ST3GAL3: variants seen among roughly 807,000 people sequenced by gnomAD.
The protein encoded by ST3GAL3 is CMP-N-acetylneuraminate-beta-1,4-galactoside alpha-2,3-sialyltransferase.
Under a neutral mutation model 50.1 loss-of-function variants are expected in ST3GAL3, and 21 were observed. That is an observed-to-expected ratio of 0.42 (90% CI 0.30 to 0.60). ST3GAL3 has a LOEUF of 0.60. Among genes scored for constraint, ST3GAL3 ranks in the 20% least tolerant of loss-of-function variants. ST3GAL3 has a pLI of 0.19. For missense variants in ST3GAL3, 353 were observed against 489.4 expected (o/e 0.72, Z 2.63); for synonymous variants, 183 against 190.0 (o/e 0.96, Z 0.30).
At chr1:43,806,856 A>G (rs141991031) in intron 3 of ST3GAL3, among the ~76,000 whole-genome samples, 132 of 152,148 alleles carry the variant, frequency 8.7e-4, no homozygotes, top group African/African-American at 3.1e-3. Flanking sequence ...TGCTCGGGTA[A>G]TGTTTTGTAT....
chr1:43,839,925 A>C (rs189579366), intron 5 of ST3GAL3: 11 of 152,354 alleles, frequency 7.2e-5, no homozygotes, highest in African/African-American at 2.4e-4. Flanking sequence ...TCATTTTCAC[A>C]AGAACAGCAC....
chr1:43,717,962 T>G (rs1290679910), intron 1 of ST3GAL3, among the ~76,000 whole-genome samples: 1 of 151,896 alleles, frequency 6.6e-6, no homozygotes, highest in African/African-American at 2.4e-5. Flanking sequence ...AACCTCCACC[T>G]CCCGGGTTCA....
intron 1 of ST3GAL3, among the ~76,000 whole-genome samples, chr1:43,721,295 CTTTT>C (rs35508020): frequency 9.0e-5 from 9 of 99,842 alleles, no homozygotes; most frequent in African/African-American, 3.1e-4. Flanking sequence ...ATAATTAAAC[CTTTT>C]TTTTTTTTTT....
At chr1:43,729,165 C>G (rs1447389245) in intron 1 of ST3GAL3, among the ~76,000 whole-genome samples, 1 of 149,524 alleles carries the variant, frequency 6.7e-6, no homozygotes. Flanking sequence ...TCTGGGCTCA[C>G]TGCAACCTCT....
intron 5 of ST3GAL3, among the ~76,000 whole-genome samples, chr1:43,887,140 A>G (rs1273269122): frequency 6.6e-6 from 1 of 152,186 alleles, no homozygotes; most frequent in African/African-American, 2.4e-5. Context: ...TGGAGAGTAG[A>G]GAATGTTTGG....
intron 2 of ST3GAL3, among the ~76,000 whole-genome samples, chr1:43,765,776 T>TGA (rs1692467259): frequency 3.0e-5 from 4 of 135,282 alleles, no homozygotes; most frequent in African/African-American, 1.1e-4. Context: ...TGTGTGTGTG[T>TGA]GTGTGTGTGC....
chr1:43,894,483 T>G lies in ST3GAL3; in HGVS notation c.397+6T>G, dbSNP rs370838456. The stretch of plus-strand genomic sequence containing the variant: ...TTTTGGGATCAAAGGTCAAGGTATG[T>G]TGGGAACCCTGACCTACATTAACAT... On this transcript the variant is annotated splice_donor_region_variant and intron_variant, in intron 6 of 11. Transcript: ENST00000347631. 405 of 1,613,358 alleles carry G rather than the reference T, an allele frequency of 2.5e-4. No homozygotes were observed. Among genetic ancestry groups the G allele is most frequent in the Non-Finnish European group, 3.3e-4 (384 of 1,179,426 alleles).
chr1:43,778,469 G>C (rs919056081), intron 2 of ST3GAL3, among the ~76,000 whole-genome samples: 1 of 151,788 alleles, frequency 6.6e-6, no homozygotes, highest in Admixed American at 6.6e-5. Context: ...TTTGGATCTG[G>C]GTCCAAACAA....
intron 11 of ST3GAL3, among the ~76,000 whole-genome samples, chr1:43,926,804 G>A (rs1003759947): frequency 9.2e-5 from 14 of 151,876 alleles, no homozygotes; most frequent in East Asian, 1.9e-4. Flanking sequence ...TGGCATTGCC[G>A]GATCCAAGAG....
chr1:43,920,729 G>C, intron 10 of ST3GAL3, 53 bp from the exon 11 acceptor site: 1 of 1,613,262 alleles, frequency 6.2e-7, no homozygotes, highest in East Asian at 2.2e-5. Context: ...AGCTGTCCCA[G>C]CCCTCCAGCT....
At chr1:43,765,743 CTGTGTGTGTCTGTGTG>C (rs72358703) in intron 2 of ST3GAL3, among the ~76,000 whole-genome samples, 4,999 of 140,562 alleles carry the variant, frequency 0.036, 105 homozygotes, top group Non-Finnish European at 0.05. Flanking sequence ...ATGTGTGTGT[CTGTGTGTGTCTGTGTG>C]TGTGTGTGTG....
At chr1:43,824,285 C>T (rs1017336388) in intron 4 of ST3GAL3, among the ~76,000 whole-genome samples, 3 of 151,824 alleles carry the variant, frequency 2.0e-5, no homozygotes, top group African/African-American at 7.2e-5. Context: ...CTTTCCCCAT[C>T]TCCTGGAGAG....
chr1:43,893,023 G>A lies in ST3GAL3; in HGVS notation c.303-1360G>A, dbSNP rs570975706. Among the ~76,000 whole-genome samples the A allele has an allele frequency of 5.3e-5, 8 of 152,206 alleles. No homozygotes were observed. The South Asian group carries it at 1.7e-3, about 32-fold the overall frequency. ...GACTCAGTTGCTGGGACCCAACTCA[G>A]AGCTCCCAAGTGTTGACATCTTCCT... is the stretch of plus-strand genomic sequence containing the variant. On this transcript the variant is annotated intron_variant, in intron 5 of 11. Coordinates refer to ENST00000347631, the MANE Select transcript of ST3GAL3 (RefSeq NM_006279.5).
intron 2 of ST3GAL3, among the ~76,000 whole-genome samples, chr1:43,752,520 A>G (rs1263649326): frequency 6.6e-6 from 1 of 152,014 alleles, no homozygotes; most frequent in Non-Finnish European, 1.5e-5. Flanking sequence ...TGTTTGTTTC[A>G]GACAGGGTCT....
At chr1:43,798,423 C>G (rs972625000) in intron 3 of ST3GAL3, among the ~76,000 whole-genome samples, 5 of 152,150 alleles carry the variant, frequency 3.3e-5, no homozygotes, top group Non-Finnish European at 7.3e-5. Context: ...CCTACTTAAC[C>G]TCTCCAATTT....
intron 4 of ST3GAL3, among the ~76,000 whole-genome samples, chr1:43,821,549 G>A (rs937094829): frequency 1.3e-5 from 2 of 152,194 alleles, no homozygotes; most frequent in Non-Finnish European, 2.9e-5. Flanking sequence ...GGACCAAGAA[G>A]AAGCAGAGAG....
At chr1:43,758,134 C>T (rs918383547) in intron 2 of ST3GAL3, among the ~76,000 whole-genome samples, 1 of 149,508 alleles carries the variant, frequency 6.7e-6, no homozygotes, top group Admixed American at 6.7e-5. Context: ...TACTCTTATA[C>T]TATACTATAC....
At position 43,899,049 on chromosome 1, in the gene ST3GAL3, C is replaced by T; in HGVS notation, c.462-119C>T. On this transcript the variant is annotated intron_variant, in intron 7 of 11. Coordinates refer to ENST00000347631, the MANE Select transcript of ST3GAL3 (RefSeq NM_006279.5). The surrounding 1 kb of genome is among the most constrained non-coding windows in gnomAD (Gnocchi z 5.4). ...GAAATGCTGCCAGAAGCCCATTGGT[C>T]TTCTTCCTCTATCCCAGCCTGGTCC... The T allele has an allele frequency of 2.1e-6, 3 of 1,441,342 alleles. No homozygotes were observed. Among genetic ancestry groups the T allele is most frequent in the Admixed American group, 3.8e-5 (2 of 52,348 alleles). 89.3% of individuals were successfully genotyped at this position (1,441,342 alleles called of 1,614,324 possible). A position where few individuals can be genotyped will look rare whatever the true frequency, so the allele number is the denominator to read the frequency against.
chr1:43,725,342 T>C (rs577511294), intron 1 of ST3GAL3, among the ~76,000 whole-genome samples: 4 of 152,304 alleles, frequency 2.6e-5, no homozygotes, highest in Non-Finnish European at 4.4e-5. Context: ...TAGCTGGGAT[T>C]ATAGGCATGC....
Sources: allele counts gnomAD v4.1 joint callset (sites outside exome capture counted in the v4.1 genomes callset), GRCh38; gene constraint gnomAD v4.1.1; non-coding constraint Gnocchi (gnomAD v3.1); transcripts MANE v1.5; gene names NCBI Gene and HGNC (gene_info 2026-07-23, HGNC 2026-07-21).